TP53INP1: variants seen among roughly 807,000 people sequenced by gnomAD.
The protein encoded by TP53INP1 is tumor protein p53-inducible nuclear protein 1.
Under a neutral mutation model 21.0 loss-of-function variants are expected in TP53INP1, and 12 were observed. The ratio of observed to expected loss-of-function variants is 0.57; its 90% CI spans 0.37 to 0.93. The LOEUF is 0.93. Ranked by LOEUF, TP53INP1 falls within the 40% of genes least tolerant of loss-of-function variation. TP53INP1 has a pLI of 0.01. For synonymous variants in TP53INP1, 91 were observed against 94.8 expected (o/e 0.96, Z 0.23); for missense variants, 274 against 294.7 (o/e 0.93, Z 0.51).
rs1278663829 is a variant in TP53INP1, at chr8:94,940,162, C to G, written c.171G>C (p.Glu57Asp). ...AGACTGAAGGGTGCTCAGTAGGTGA[C>G]TCTTCACTGATGTCCTCCTCTTCTT... ...EEEEEEDISE[E>D]SPTEHPSVFS... Residue 57 changes from glutamate to aspartate, a missense_variant, in exon 3 of 4, where the codon GAG becomes GAC. By Grantham distance (45) the Glu-to-Asp change is conservative. Transcript: ENST00000342697. The G allele has an allele frequency of 1.2e-6, 2 of 1,614,148 alleles. No homozygotes were observed. Among genetic ancestry groups the G allele is most frequent in the Middle Eastern group, 3.3e-4 (2 of 6,062 alleles).
chr8:94,944,111 C>A (rs377540671), intron 1 of TP53INP1, among the ~76,000 whole-genome samples: 1 of 152,234 alleles, frequency 6.6e-6, no homozygotes, highest in Non-Finnish European at 1.5e-5. Context: ...ATTGGCCCCA[C>A]GTACAATTCT....
rs999448519 is a variant in TP53INP1 at position 94,949,141 on chromosome 8, C to A, written c.-151+13G>T. ...CCTGGACGGACGCCCGCCCGCCCCC[C>A]CCCGGCACTTACGTGGGCCCGGGCC... On this transcript the variant is annotated intron_variant, in intron 1 of 3. Coordinates refer to ENST00000342697, the MANE Select transcript of TP53INP1 (RefSeq NM_033285.4). The A allele has an allele frequency of 1.3e-5, 2 of 149,228 alleles. No homozygotes were observed. The highest frequency in any genetic ancestry group is 4.9e-5 in the African/African-American group (2 of 41,070). 9.2% of individuals were successfully genotyped at this position (149,228 alleles called of 1,614,324 possible).
At position 94,928,015 on chromosome 8, in the gene TP53INP1, A is replaced by T. The variant is rs1820050792; in HGVS notation, c.*2464T>A. 6.6e-6 allele frequency: 1 copy of T among 152,474 alleles called. No homozygotes were observed. Among genetic ancestry groups the T allele is most frequent in the African/African-American group, 2.4e-5 (1 of 41,452 alleles). The allele number at this position is 152,474 out of a possible 1,614,324, so 9.4% of individuals were successfully genotyped here. Reference sequence around the variant, plus strand: ...GTTGGCCTTGTGTCTTACATACAGGAGATGCCTAACATCTAATAACCAAGA... The same window carrying T: ...GTTGGCCTTGTGTCTTACATACAGGTGATGCCTAACATCTAATAACCAAGA... On this transcript the variant is annotated 3_prime_UTR_variant, in exon 4 of 4. Transcript: ENST00000342697.
rs1199052823 is a variant in TP53INP1, at chr8:94,940,156, A to G, written c.177T>C (p.Pro59=). The G allele has an allele frequency of 3.7e-6, 6 of 1,614,044 alleles. No individual in the cohort carries two copies. The highest frequency in any genetic ancestry group is 2.7e-5 in the African/African-American group (2 of 74,936). Residue 59 remains proline (P), a synonymous_variant, in exon 3 of 4, where the codon CCT becomes CCC. Coordinates refer to ENST00000342697, the MANE Select transcript of TP53INP1 (RefSeq NM_033285.4). The stretch of plus-strand genomic sequence containing the variant: ...AGGAAAAGACTGAAGGGTGCTCAGT[A>G]GGTGACTCTTCACTGATGTCCTCCT... ...EEEEDISEES[P]TEHPSVFSCL...
rs1001814404 is a variant in TP53INP1, at chr8:94,928,653, C to G, written c.*1826G>C. ...CTAACTCTTGTTCTAAAGAGACATT[C>G]TGGCACTTCATCACAGCCAGTAGAA... On this transcript the variant is annotated 3_prime_UTR_variant, in exon 4 of 4. Transcript: ENST00000342697. The G allele has an allele frequency of 1.3e-5, 2 of 152,294 alleles. No individual in the cohort carries two copies. The highest frequency in any genetic ancestry group is 2.1e-4 in the South Asian group (1 of 4,830). 9.4% of individuals were successfully genotyped at this position (152,294 alleles called of 1,614,324 possible).
intron 1 of TP53INP1, among the ~76,000 whole-genome samples, chr8:94,946,909 C>G (rs1360016764): frequency 6.6e-6 from 1 of 152,072 alleles, no homozygotes; most frequent in African/African-American, 2.4e-5. Flanking sequence ...TCGGTTCATT[C>G]AAAGCCAGTT....
Position 94,927,199 on chromosome 8 carries a change from CAG to C in TP53INP1, c.*3278_*3279del, listed in dbSNP as rs965355186. The C allele has an allele frequency of 6.6e-6, 1 of 152,468 alleles. No homozygotes were observed. Among genetic ancestry groups the C allele is most frequent in the Non-Finnish European group, 1.5e-5 (1 of 68,000 alleles). The allele number at this position is 152,468 out of a possible 1,614,324, so 9.4% of individuals were successfully genotyped here. A position where few individuals can be genotyped will look rare whatever the true frequency, so the allele number is the denominator to read the frequency against. ...GTCCTTCATGTTTTTGTTTCCAACT[CAG>C]AGAAAATGAGAATAATGAAGATACT... is the stretch of plus-strand genomic sequence containing the variant. On this transcript the variant is annotated 3_prime_UTR_variant, in exon 4 of 4. Transcript: ENST00000342697.
chr8:94,946,707 A>AAAAAAAAAAAAAAAAAAAC (rs1822041499), intron 1 of TP53INP1, among the ~76,000 whole-genome samples: 1 of 147,304 alleles, frequency 6.8e-6, no homozygotes, highest in Admixed American at 6.8e-5. Flanking sequence ...AAAAAAAAAA[A>AAAAAAAAAAAAAAAAAAAC]AAAAAAAAAA....
chr8:94,940,270 CAGG>C, intron 2 of TP53INP1, 50 bp from the exon 3 acceptor site: 1 of 1,536,684 alleles, frequency 6.5e-7, no homozygotes. Flanking sequence ...AAGAGTCCCA[CAGG>C]AGGATGATTA....
At chr8:94,948,876 G>C (rs1822269846) in intron 1 of TP53INP1, among the ~76,000 whole-genome samples, 2 of 151,794 alleles carry the variant, frequency 1.3e-5, no homozygotes, top group African/African-American at 4.8e-5. Flanking sequence ...CCAGCGCCGG[G>C]GCCAGGCCGG....
In TP53INP1 at chr8:94,949,339, G is replaced by A. The variant is rs1822341793; in HGVS notation, c.-336C>T. ...CCCTCGGGTCGCTGCGCCCAGGCCG[G>A]CCAGTCCAAGTCCTTTTGTTGTTGT... On this transcript the variant is annotated 5_prime_UTR_variant, in exon 1 of 4. Transcript: ENST00000342697. 6.6e-6 allele frequency: 1 copy of A among 151,098 alleles called. No individual in the cohort carries two copies. Among genetic ancestry groups the A allele is most frequent in the Non-Finnish European group, 1.5e-5 (1 of 67,680 alleles). 9.4% of individuals were successfully genotyped at this position (151,098 alleles called of 1,614,324 possible).
At chr8:94,941,193 T>G in intron 1 of TP53INP1, 102 bp from the exon 2 acceptor site, 1 of 335,510 alleles carries the variant, frequency 3.0e-6, no homozygotes, top group South Asian at 1.1e-4. Flanking sequence ...GCATATGCCT[T>G]GGCCTACATT....
chr8:94,946,104 CTGTTTT>C (rs1821961778), intron 1 of TP53INP1, among the ~76,000 whole-genome samples: 1 of 96,714 alleles, frequency 1.0e-5, no homozygotes, highest in South Asian at 4.5e-4. Flanking sequence ...GCCTTTTCTT[CTGTTTT>C]TTTTTTTCTT....
chr8:94,940,056 C>T lies in TP53INP1; in HGVS notation c.277G>A (p.Glu93Lys). The change falls in exon 3 of 4, where the codon GAG becomes AAG. Residue 93 changes from glutamate (E) to lysine (K), a missense_variant. Physicochemically the swap from Glu to Lys is moderately conservative, Grantham distance 56. Coordinates refer to ENST00000342697, the MANE Select transcript of TP53INP1 (RefSeq NM_033285.4). ...GGTGGGGTGATAAACCAGCTCTCCT[C>T]CATTGGACATGACTCAAACTGGAGA... ...CFLQFESCPMEESWFITPPPC... is the reference protein window; with the variant it reads ...CFLQFESCPMKESWFITPPPC... 1 of 1,614,198 alleles carries T rather than the reference C, an allele frequency of 6.2e-7. No individual in the cohort carries two copies. Among genetic ancestry groups the T allele is most frequent in the Non-Finnish European group, 8.5e-7 (1 of 1,180,038 alleles).
intron 1 of TP53INP1, among the ~76,000 whole-genome samples, chr8:94,946,702 A>AAAAAAAAAAG (rs1563736783): frequency 6.9e-6 from 1 of 144,152 alleles, no homozygotes; most frequent in Non-Finnish European, 1.5e-5. Flanking sequence ...GTCTCAAAAA[A>AAAAAAAAAAG]AAAAAAAAAA....
At position 94,928,704 on chromosome 8, in the gene TP53INP1, T is replaced by C. The variant is rs1273574055; in HGVS notation, c.*1775A>G. On this transcript the variant is annotated 3_prime_UTR_variant, in exon 4 of 4. Coordinates refer to ENST00000342697, the MANE Select transcript of TP53INP1 (RefSeq NM_033285.4). Reference sequence around the variant, plus strand: ...GAACAATGTAAAACCTCCATCTCACTACACATTTGACGTCTTCCACTCCAA... The same window carrying C: ...GAACAATGTAAAACCTCCATCTCACCACACATTTGACGTCTTCCACTCCAA... 1 of 152,216 alleles carries C rather than the reference T, an allele frequency of 6.6e-6. No homozygotes were observed. Among genetic ancestry groups the C allele is most frequent in the East Asian group, 1.9e-4 (1 of 5,192 alleles). The allele number at this position is 152,216 out of a possible 1,614,324, so 9.4% of individuals were successfully genotyped here. A position where few individuals can be genotyped will look rare whatever the true frequency, so the allele number is the denominator to read the frequency against.
chr8:94,944,663 A>G (rs1821834826), intron 1 of TP53INP1, among the ~76,000 whole-genome samples: 1 of 152,310 alleles, frequency 6.6e-6, no homozygotes, highest in Non-Finnish European at 1.5e-5. Context: ...TGGTGTTTAC[A>G]TGGCACATCT....
rs117155997 is a variant in TP53INP1 at position 94,936,714 on chromosome 8, T to C, written c.473+3146A>G. ...GAAATTTGAGGGGTATATTAGGACA[T>C]GCCAGTGGCCATCAGAAGAACTCCC... On this transcript the variant is annotated intron_variant, in intron 3 of 3. Coordinates refer to ENST00000342697, the MANE Select transcript of TP53INP1 (RefSeq NM_033285.4). Among the ~76,000 whole-genome samples, 647 of 152,208 alleles carry C rather than the reference T, an allele frequency of 4.3e-3. 26 individuals are homozygous for C. The East Asian group carries it at 0.092, about 22-fold the overall frequency.
intron 3 of TP53INP1, among the ~76,000 whole-genome samples, chr8:94,931,700 C>T (rs1274516165): frequency 6.6e-6 from 1 of 152,034 alleles, no homozygotes; most frequent in African/African-American, 2.4e-5. Context: ...TTAGGCCAGG[C>T]GCTGTGGCTC....
Sources: allele counts gnomAD v4.1 joint callset (sites outside exome capture counted in the v4.1 genomes callset), GRCh38; gene constraint gnomAD v4.1.1; transcripts MANE v1.5; gene names NCBI Gene and HGNC (gene_info 2026-07-23, HGNC 2026-07-21).